The following SNTG2 variants were observed in gnomAD, a reference collection of about 807,000 sequenced individuals.
SNTG2 encodes the protein gamma-2-syntrophin.
SNTG2 carries 74 observed loss-of-function variants against 70.9 expected under a neutral mutation model. The observed-to-expected ratio is 1.04, with a 90% confidence interval of 0.86 to 1.27. The LOEUF is 1.27. SNTG2 is among the 50% of genes most tolerant of loss of function. The pLI, the probability that SNTG2 is intolerant of heterozygous loss-of-function variation, is 0.00. For missense variants in SNTG2, 717 were observed against 690.7 expected, an observed-to-expected ratio of 1.04 and a Z score of -0.43; for synonymous variants, 278 against 273.8, an observed-to-expected ratio of 1.02 and a Z score of -0.15.
intron 1 of SNTG2, among the ~76,000 whole-genome samples, chr2:1,081,030 G>C (rs1664253887): frequency 2.6e-5 from 4 of 152,098 alleles, no homozygotes; most frequent in Admixed American, 2.6e-4. Context: ...GAAGCAAGGA[G>C]AGAGACTGGG....
chr2:1,133,611 A>G (rs992260162), intron 4 of SNTG2, among the ~76,000 whole-genome samples: 1 of 152,226 alleles, frequency 6.6e-6, no homozygotes, highest in Non-Finnish European at 1.5e-5. Context: ...ATCTGACCAA[A>G]TAGTTCATTT....
intron 7 of SNTG2, among the ~76,000 whole-genome samples, chr2:1,170,094 A>G (rs1382897948): frequency 1.3e-5 from 2 of 152,184 alleles, no homozygotes; most frequent in Non-Finnish European, 2.9e-5. Flanking sequence ...GAAAGAGAGT[A>G]TCACGGCAGA....
chr2:1,154,887 C>G (rs1669753416), intron 6 of SNTG2, among the ~76,000 whole-genome samples: 2 of 151,238 alleles, frequency 1.3e-5, no homozygotes, highest in South Asian at 4.2e-4. Context: ...ACACACCACA[C>G]ACACAAAGAC....
At chr2:1,065,444 C>A (rs1176314758) in intron 1 of SNTG2, among the ~76,000 whole-genome samples, 2 of 152,142 alleles carry the variant, frequency 1.3e-5, no homozygotes, top group Non-Finnish European at 2.9e-5. Flanking sequence ...CCCCAGCACA[C>A]CCTCTGAGAG....
chr2:1,261,307 T>C (rs1558608917), intron 13 of SNTG2, among the ~76,000 whole-genome samples: 1 of 152,212 alleles, frequency 6.6e-6, no homozygotes, highest in Non-Finnish European at 1.5e-5. Flanking sequence ...TAAATAAATA[T>C]GTGAGTATCA....
chr2:1,317,092 C>T (rs1681319834), intron 16 of SNTG2, among the ~76,000 whole-genome samples: 1 of 93,810 alleles, frequency 1.1e-5, no homozygotes, highest in African/African-American at 3.9e-5. Flanking sequence ...GAGCATTTAG[C>T]ATCAGGCCAG....
rs1442798648 is a variant in SNTG2 at position 1,353,734 on chromosome 2, C to T, written c.1489-13609C>T. ...AAACTAAGAACCCAGGATGGCTGCT[C>T]ATCGGAGGGGCCAGTCATCTCACAG... is the stretch of plus-strand genomic sequence containing the variant. On this transcript the variant is annotated intron_variant, in intron 16 of 16. Coordinates refer to ENST00000308624, the MANE Select transcript of SNTG2 (RefSeq NM_018968.4). This position sits in a 1 kb window ranked among gnomAD's most constrained non-coding sequence, Gnocchi z 4.2. The T allele has an allele frequency of 6.6e-6, 1 of 152,212 alleles. No individual in the cohort carries two copies. Among genetic ancestry groups the T allele is most frequent in the African/African-American group, 2.4e-5 (1 of 41,448 alleles). The allele number at this position is 152,212 out of a possible 1,614,324, so 9.4% of individuals were successfully genotyped here. A position where few individuals can be genotyped will look rare whatever the true frequency, so the allele number is the denominator to read the frequency against.
chr2:1,156,117 C>T (rs1669879309), intron 6 of SNTG2, among the ~76,000 whole-genome samples: 1 of 152,172 alleles, frequency 6.6e-6, no homozygotes, highest in Non-Finnish European at 1.5e-5. Context: ...AGAAATGGCA[C>T]AGGGCCGCCC....
At chr2:1,168,479 C>T (rs1042920617) in intron 7 of SNTG2, among the ~76,000 whole-genome samples, 18 of 152,134 alleles carry the variant, frequency 1.2e-4, no homozygotes, top group Middle Eastern at 3.2e-3. Flanking sequence ...AGTGGGGCAC[C>T]GAAGAAGCGA....
chr2:1,271,863 A>G (rs36188033), intron 14 of SNTG2, among the ~76,000 whole-genome samples: 46,348 of 151,728 alleles, frequency 0.31, 7,961 homozygotes, highest in African/African-American at 0.47. Context: ...ACCATTGGCT[A>G]ATTGGCTTCT....
chr2:1,316,604 G>A (rs901511245), intron 16 of SNTG2, among the ~76,000 whole-genome samples: 2 of 39,880 alleles, frequency 5.0e-5, no homozygotes, highest in African/African-American at 1.4e-4. Context: ...TGGGATTTCA[G>A]ATTTTGGAAT....
At chr2:1,031,528 A>ATATATATATATTTTTTTTTTTT in intron 1 of SNTG2, among the ~76,000 whole-genome samples, 23 of 59,106 alleles carry the variant, frequency 3.9e-4, no homozygotes, top group Non-Finnish European at 5.3e-4. Flanking sequence ...ATATATATAT[A>ATATATATATATTTTTTTTTTTT]TTTTTTTTTT....
intron 9 of SNTG2, among the ~76,000 whole-genome samples, chr2:1,216,825 T>C (rs948623693): frequency 6.6e-6 from 1 of 152,272 alleles, no homozygotes; most frequent in East Asian, 1.9e-4. Flanking sequence ...TGGGAGATGA[T>C]TGGATCATGG....
intron 14 of SNTG2, among the ~76,000 whole-genome samples, chr2:1,273,362 G>C (rs967014111): frequency 6.6e-6 from 1 of 152,090 alleles, no homozygotes; most frequent in East Asian, 1.9e-4. Flanking sequence ...GACTATTCTT[G>C]TTCACACACA....
At chr2:1,045,707 T>C (rs1257706807) in intron 1 of SNTG2, among the ~76,000 whole-genome samples, 1 of 152,202 alleles carries the variant, frequency 6.6e-6, no homozygotes, top group Non-Finnish European at 1.5e-5. Context: ...CTTGTTTATA[T>C]TGATTTCTAC....
intron 16 of SNTG2, among the ~76,000 whole-genome samples, chr2:1,327,198 C>T (rs986662745): frequency 2.0e-5 from 3 of 151,964 alleles, no homozygotes; most frequent in Admixed American, 1.3e-4. Context: ...CAGGTACCAA[C>T]AATTTATGAA....
chr2:1,005,761 A>G (rs563704798), intron 1 of SNTG2, among the ~76,000 whole-genome samples: 26 of 122,454 alleles, frequency 2.1e-4, no homozygotes, highest in African/African-American at 7.3e-4. Flanking sequence ...CCGAGATTGC[A>G]CCATTGCACT....
intron 1 of SNTG2, among the ~76,000 whole-genome samples, chr2:1,074,386 G>A (rs1284578178): frequency 6.6e-6 from 1 of 152,092 alleles, no homozygotes; most frequent in Admixed American, 6.5e-5. Flanking sequence ...GCACACTCCT[G>A]GGAAACTGGA....
intron 1 of SNTG2, among the ~76,000 whole-genome samples, chr2:1,047,347 T>C (rs1661797684): frequency 6.6e-6 from 1 of 152,248 alleles, no homozygotes; most frequent in South Asian, 2.1e-4. Flanking sequence ...TCTACTTCTG[T>C]CATTTCAGCC....
Sources: allele counts gnomAD v4.1 joint callset (sites outside exome capture counted in the v4.1 genomes callset), GRCh38; gene constraint gnomAD v4.1.1; non-coding constraint Gnocchi (gnomAD v3.1); transcripts MANE v1.5; gene names NCBI Gene and HGNC (gene_info 2026-07-23, HGNC 2026-07-21).